The following PPEF2 variants were observed in gnomAD, a reference collection of about 807,000 sequenced individuals.
PPEF2 encodes the protein protein phosphatase with EF-hand domain 2.
Under a neutral mutation model 84.7 loss-of-function variants are expected in PPEF2, and 84 were observed. That is an observed-to-expected ratio of 0.99 (90% CI 0.83 to 1.19). The LOEUF (loss-of-function observed/expected upper bound fraction) is 1.19. PPEF2 is among the 50% of genes most tolerant of loss of function. The pLI is 0.00. For synonymous variants in PPEF2, 346 were observed against 345.2 expected, an observed-to-expected ratio of 1.00 and a Z score of -0.03; for missense variants, 924 against 937.5, an observed-to-expected ratio of 0.99 and a Z score of 0.19.
chr4:75,873,013 A>T, intron 12 of PPEF2, 114 bp downstream of exon 12: 5 of 1,043,972 alleles, frequency 4.8e-6, no homozygotes, highest in Non-Finnish European at 6.9e-6. Context: ...AGTAGGTAAC[A>T]AATACAAGGT....
intron 7 of PPEF2, among the ~76,000 whole-genome samples, chr4:75,886,307 C>A (rs1391918301): frequency 6.6e-6 from 1 of 152,212 alleles, no homozygotes; most frequent in Non-Finnish European, 1.5e-5. Context: ...CGCCGGCCCG[C>A]AGTTCGGCTC....
intron 4 of PPEF2, 84 bp from the exon 5 acceptor site, chr4:75,890,216 C>A: frequency 6.8e-7 from 1 of 1,464,834 alleles, no homozygotes. Flanking sequence ...CTTGGCTGGG[C>A]ACGGTGGCTC....
chr4:75,885,873 G>A (rs980868135), intron 7 of PPEF2, among the ~76,000 whole-genome samples: 3 of 152,158 alleles, frequency 2.0e-5, no homozygotes, highest in African/African-American at 7.2e-5. Context: ...GCCGGGCGTG[G>A]TGGTGCACGC....
intron 4 of PPEF2, among the ~76,000 whole-genome samples, chr4:75,890,831 C>G (rs1281413896): frequency 6.6e-6 from 1 of 152,218 alleles, no homozygotes; most frequent in Non-Finnish European, 1.5e-5. Context: ...GCATTGGCAT[C>G]TCCAGACTGA....
chr4:75,885,589 G>C (rs1337034705), intron 7 of PPEF2, among the ~76,000 whole-genome samples: 1 of 152,182 alleles, frequency 6.6e-6, no homozygotes, highest in African/African-American at 2.4e-5. Context: ...CTTAGGCTGG[G>C]CACAGTGGCT....
intron 10 of PPEF2, chr4:75,882,626 T>C (rs1724606668): frequency 4.7e-6 from 1 of 214,284 alleles, no homozygotes. Flanking sequence ...GCCTCCCAAG[T>C]AGATAAGACT....
At position 75,877,026 on chromosome 4, in the gene PPEF2, G is replaced by GAAAGAAAGAAAGA. The variant is rs1553907537; in HGVS notation, c.934-366_934-354dup. Among the ~76,000 whole-genome samples, 5 of 149,914 alleles carry GAAAGAAAGAAAGA rather than the reference G, an allele frequency of 3.3e-5. 2 individuals are homozygous for GAAAGAAAGAAAGA. In the Admixed American group the frequency reaches 3.3e-4, roughly 10 times the overall value. ...CTGAAAAAAGAAAGAAAGAAAGAAAGAAAGAAAGAAAGAAAAGAAACAGAG... is the reference window on the plus strand; with the variant it reads ...CTGAAAAAAGAAAGAAAGAAAGAAAGAAAGAAAGAAAGAAAAGAAAGAAAGAAAAGAAACAGAG... On this transcript the variant is annotated intron_variant, in intron 10 of 16. Transcript: ENST00000286719.
At chr4:75,870,878 CATTTATTT>C (rs33975459) in intron 13 of PPEF2, among the ~76,000 whole-genome samples, 5 of 146,594 alleles carry the variant, frequency 3.4e-5, no homozygotes, top group Non-Finnish European at 7.5e-5. Flanking sequence ...CAAAAGCTAC[CATTTATTT>C]ATTTATTTAT....
intron 2 of PPEF2, among the ~76,000 whole-genome samples, chr4:75,895,951 T>C (rs923598270): frequency 6.6e-6 from 1 of 152,080 alleles, no homozygotes; most frequent in Non-Finnish European, 1.5e-5. Context: ...CTCATGACCT[T>C]TGGACGTGCT....
At chr4:75,893,724 T>C (rs775772527) in intron 2 of PPEF2, among the ~76,000 whole-genome samples, 1 of 152,220 alleles carries the variant, frequency 6.6e-6, no homozygotes, top group Non-Finnish European at 1.5e-5. Flanking sequence ...AAGAAGATCA[T>C]GGACATCAAT....
rs776841683 is a variant in PPEF2 at position 75,867,331 on chromosome 4, G to A, written c.1738C>T (p.His580Tyr). ...TTCTTACCGACTTTATCTGCATCATGCTTCTTAAATTCACTGAGAAGATCT... is the reference window on the plus strand; with the variant it reads ...TTCTTACCGACTTTATCTGCATCATACTTCTTAAATTCACTGAGAAGATCT... ...SSDLLSEFKKHDADKVGLITL... is the reference protein window; with the variant it reads ...SSDLLSEFKKYDADKVGLITL... The change falls in exon 14 of 17, where the codon CAT becomes TAT. Residue 580 changes from histidine to tyrosine, a missense_variant. Physicochemically the swap from His to Tyr is moderately conservative, Grantham distance 83 (BLOSUM62 2). Coordinates refer to ENST00000286719, the MANE Select transcript of PPEF2 (RefSeq NM_006239.3). 25 of 1,613,060 alleles carry A rather than the reference G, an allele frequency of 1.5e-5. No individual in the cohort carries two copies. The highest frequency in any genetic ancestry group is 2.0e-5 in the Non-Finnish European group (23 of 1,179,348).
At chr4:75,900,252 A>T (rs969351754) in intron 1 of PPEF2, among the ~76,000 whole-genome samples, 2 of 152,272 alleles carry the variant, frequency 1.3e-5, no homozygotes, top group African/African-American at 4.8e-5. Flanking sequence ...TTTTTTTCTC[A>T]TGAATTTATA....
chr4:75,885,908 C>T (rs1724708722), intron 7 of PPEF2, among the ~76,000 whole-genome samples: 1 of 152,008 alleles, frequency 6.6e-6, no homozygotes, highest in Admixed American at 6.6e-5. Flanking sequence ...ACTTGGGAGG[C>T]CGAGGCAGGA....
At position 75,887,869 on chromosome 4, in the gene PPEF2, C is replaced by T. The variant is rs578241916; in HGVS notation, c.532+345G>A. On this transcript the variant is annotated intron_variant, in intron 6 of 16. Coordinates refer to ENST00000286719, the MANE Select transcript of PPEF2 (RefSeq NM_006239.3). The stretch of plus-strand genomic sequence containing the variant: ...TGGATGGGAGGAATAATTTGCTAGT[C>T]ATCGGGGCTTTCTCAAGTACCATTA... Among the ~76,000 whole-genome samples the T allele has an allele frequency of 2.4e-4, 36 of 152,276 alleles. No individual in the cohort carries two copies. The South Asian group carries it at 4.6e-3, about 19-fold the overall frequency.
Position 75,888,219 on chromosome 4 carries a change from A to G in PPEF2, c.527T>C (p.Val176Ala). 2 of 1,606,590 alleles carry G rather than the reference A, an allele frequency of 1.2e-6. No individual in the cohort carries two copies. Among genetic ancestry groups the G allele is most frequent in the Non-Finnish European group, 8.5e-7 (1 of 1,173,232 alleles). Residue 176 changes from valine to alanine, a missense_variant, in exon 6 of 17, where the codon GTG (valine) becomes GCG (alanine). Coordinates refer to ENST00000286719, the MANE Select transcript of PPEF2 (RefSeq NM_006239.3). ...VSTCYSEEIT[V>A]CGDLHGQLDD... ...CGTTTCTGACCAGCTCTTACCACAC[A>G]CTGTGATCTCCTCACTGTAACAGGT... is the stretch of plus-strand genomic sequence containing the variant.
intron 4 of PPEF2, among the ~76,000 whole-genome samples, chr4:75,891,310 G>A (rs908139069): frequency 3.3e-5 from 5 of 152,154 alleles, no homozygotes; most frequent in Non-Finnish European, 7.3e-5. Flanking sequence ...TTGCCTGCAG[G>A]GGGTATAATT....
Position 75,891,844 on chromosome 4 carries a change from AT to A in PPEF2, c.183+6del. On this transcript the variant is annotated splice_donor_region_variant and intron_variant, in intron 3 of 16. Coordinates refer to ENST00000286719, the MANE Select transcript of PPEF2 (RefSeq NM_006239.3). ...AGGAGGCGGCTCCGTCCCACATCTC[AT>A]TGTACCTTGACTTGGTCTTGCTGCC... 6.2e-7 allele frequency: 1 copy of A among 1,607,926 alleles called. No homozygotes were observed. Among genetic ancestry groups the A allele is most frequent in the Non-Finnish European group, 8.5e-7 (1 of 1,174,996 alleles).
chr4:75,876,348 G>A lies in PPEF2; in HGVS notation c.1259C>T (p.Ala420Val). Residue 420 changes from alanine (A) to valine (V), a missense_variant, in exon 11 of 17, where the codon GCC becomes GTC. Ala to Val is a moderately conservative substitution (Grantham distance 64). Coordinates refer to ENST00000286719, the MANE Select transcript of PPEF2 (RefSeq NM_006239.3). ...TGEKEEPSRS[A>V]SEADSEAGEL... ...TCCGGCTTCAGAGTCTGCTTCTGAGGCTGAGCGGGAGGGCTCCTCTTTCTC... is the reference window on the plus strand; with the variant it reads ...TCCGGCTTCAGAGTCTGCTTCTGAGACTGAGCGGGAGGGCTCCTCTTTCTC... 6.2e-7 allele frequency: 1 copy of A among 1,613,950 alleles called. No homozygotes were observed. Among genetic ancestry groups the A allele is most frequent in the Non-Finnish European group, 8.5e-7 (1 of 1,180,006 alleles).
intron 3 of PPEF2, 66 bp from the exon 4 acceptor site, chr4:75,891,771 G>T: frequency 6.3e-7 from 1 of 1,596,766 alleles, no homozygotes; most frequent in East Asian, 2.2e-5. Context: ...AAGTAGTCCA[G>T]TTGGCCTCAC....
Sources: gnomAD v4.1 joint callset for allele counts (sites outside exome capture counted in the v4.1 genomes callset) on GRCh38, gnomAD v4.1.1 for gene constraint, MANE v1.5 for transcripts, NCBI Gene and HGNC (gene_info 2026-07-23, HGNC 2026-07-21) for gene names.